Variants in ETV6 observed in about 807,000 individuals in gnomAD.
ETV6 encodes transcription factor ETV6.
A neutral mutation model predicts 51.1 loss-of-function variants in ETV6; 16 were observed. That is an observed-to-expected ratio of 0.31 (90% CI 0.21 to 0.48). The LOEUF is 0.48. ETV6 is among the 20% of genes least tolerant of loss of function. The probability of loss-of-function intolerance (pLI) is 0.99; values close to 1 mark genes in which losing one functional copy is unlikely to be tolerated. For synonymous variants in ETV6, 240 were observed against 224.1 expected, an observed-to-expected ratio of 1.07 and a Z score of -0.64; for missense variants, 458 against 594.8, an observed-to-expected ratio of 0.77 and a Z score of 2.39.
intron 2 of ETV6, among the ~76,000 whole-genome samples, chr12:11,836,007 T>C (rs1946310237): frequency 6.6e-6 from 1 of 152,222 alleles, no homozygotes; most frequent in African/African-American, 2.4e-5. Context: ...AGCTAATATC[T>C]ATTCATATAA....
chr12:11,729,012 T>C (rs1865544987), intron 1 of ETV6, among the ~76,000 whole-genome samples: 1 of 152,220 alleles, frequency 6.6e-6, no homozygotes, highest in Non-Finnish European at 1.5e-5. Context: ...GCTTTACAGC[T>C]TACAAAACAC....
At chr12:11,793,242 C>A (rs774784825) in intron 2 of ETV6, among the ~76,000 whole-genome samples, 1 of 152,174 alleles carries the variant, frequency 6.6e-6, no homozygotes, top group Non-Finnish European at 1.5e-5. Context: ...TCATTTTATC[C>A]TCCCAAGAGC....
intron 1 of ETV6, among the ~76,000 whole-genome samples, chr12:11,731,348 G>A (rs1865593477): frequency 6.6e-6 from 1 of 152,168 alleles, no homozygotes; most frequent in African/African-American, 2.4e-5. Flanking sequence ...GTGAGTATTT[G>A]TCTTCCCTGA....
chr12:11,841,766 A>T (rs1263959774), intron 3 of ETV6, among the ~76,000 whole-genome samples: 1 of 152,178 alleles, frequency 6.6e-6, no homozygotes, highest in Non-Finnish European at 1.5e-5. Context: ...GGCAAACAAG[A>T]AGGAGATGAG....
chr12:11,859,574 T>C (rs1384657888), intron 4 of ETV6, among the ~76,000 whole-genome samples: 1 of 152,160 alleles, frequency 6.6e-6, no homozygotes, highest in Non-Finnish European at 1.5e-5. Context: ...GTGATATTAT[T>C]ACCTCCACTT....
chr12:11,890,123 G>C (rs1046105145), intron 7 of ETV6, among the ~76,000 whole-genome samples: 2 of 107,950 alleles, frequency 1.9e-5, no homozygotes, highest in Non-Finnish European at 3.9e-5. Context: ...CATTGTAAAA[G>C]ATTTTTTTTT....
rs1947314498 is a variant in ETV6, at chr12:11,892,739, T to G, written c.*1693T>G. 3 of 232,982 alleles carry G rather than the reference T, an allele frequency of 1.3e-5. No individual in the cohort carries two copies. Among genetic ancestry groups the G allele is most frequent in the Non-Finnish European group, 2.5e-5 (3 of 117,958 alleles). 14.4% of individuals were successfully genotyped at this position (232,982 alleles called of 1,614,324 possible). ...AGGTGAAGTTACCAGACCCCTGGGCTTCTCCCCAGCTTTTTCTGAGTTGAG... is the reference window on the plus strand; with the variant it reads ...AGGTGAAGTTACCAGACCCCTGGGCGTCTCCCCAGCTTTTTCTGAGTTGAG... On this transcript the variant is annotated 3_prime_UTR_variant, in exon 8 of 8. Transcript: ENST00000396373.
chr12:11,869,501 C>A lies in ETV6; in HGVS notation c.541C>A (p.Arg181Ser). The change falls in exon 5 of 8, where the codon CGC (arginine) becomes AGC (serine). Residue 181 changes from arginine (R) to serine (S), a missense_variant. By Grantham distance (110) the Arg-to-Ser change is moderately radical. Coordinates refer to ENST00000396373, the MANE Select transcript of ETV6 (RefSeq NM_001987.5). This position sits in a 1 kb window ranked among gnomAD's most constrained non-coding sequence, Gnocchi z 5.0. ...CCCTCCCACCATTGAACTGTTGCAC[C>A]GCTCCAGGTCACCTATCACGACAAA... ...HNPPTIELLHRSRSPITTNHR... is the reference protein window; with the variant it reads ...HNPPTIELLHSSRSPITTNHR... The A allele has an allele frequency of 6.2e-7, 1 of 1,614,116 alleles. No individual in the cohort carries two copies. The highest frequency in any genetic ancestry group is 8.5e-7 in the Non-Finnish European group (1 of 1,180,006).
chr12:11,861,686 C>T (rs1167181277), intron 4 of ETV6, among the ~76,000 whole-genome samples: 1 of 152,142 alleles, frequency 6.6e-6, no homozygotes. Flanking sequence ...TAGGGAAATG[C>T]CATCTGATCT....
chr12:11,850,021 A>G (rs139671247), intron 3 of ETV6, among the ~76,000 whole-genome samples: 1 of 152,102 alleles, frequency 6.6e-6, no homozygotes, highest in East Asian at 1.9e-4. Flanking sequence ...CTAAGGCCAC[A>G]CTCCTGGGTC....
intron 1 of ETV6, among the ~76,000 whole-genome samples, chr12:11,688,765 G>A (rs1591609942): frequency 6.6e-6 from 1 of 152,204 alleles, no homozygotes; most frequent in South Asian, 2.1e-4. Flanking sequence ...GCTGCTCCTT[G>A]AGGTCTGGCT....
intron 4 of ETV6, among the ~76,000 whole-genome samples, chr12:11,857,702 G>C (rs1317225419): frequency 6.6e-6 from 1 of 152,150 alleles, no homozygotes; most frequent in African/African-American, 2.4e-5. Context: ...GTGTGTGTGA[G>C]TATGTATGTA....
At chr12:11,703,894 G>A (rs1253345669) in intron 1 of ETV6, among the ~76,000 whole-genome samples, 1 of 152,128 alleles carries the variant, frequency 6.6e-6, no homozygotes, top group Non-Finnish European at 1.5e-5. Context: ...ATCAGTAATT[G>A]ACCACCCTTG....
intron 1 of ETV6, among the ~76,000 whole-genome samples, chr12:11,710,390 T>C (rs1230766984): frequency 6.6e-6 from 1 of 152,220 alleles, no homozygotes; most frequent in Non-Finnish European, 1.5e-5. Flanking sequence ...GTATTTATTA[T>C]GTGTCACCAT....
At chr12:11,821,835 G>T (rs901643649) in intron 2 of ETV6, among the ~76,000 whole-genome samples, 1 of 152,154 alleles carries the variant, frequency 6.6e-6, no homozygotes, top group African/African-American at 2.4e-5. Flanking sequence ...GCAACAGAGG[G>T]AGATTCTGTC....
intron 1 of ETV6, among the ~76,000 whole-genome samples, chr12:11,709,244 A>G (rs116906770): frequency 0.023 from 3,460 of 151,956 alleles, 63 homozygotes; most frequent in East Asian, 0.083. Context: ...TCCTCATTCT[A>G]CCCCTGCCCT....
At chr12:11,879,144 A>C (rs913795473) in intron 5 of ETV6, among the ~76,000 whole-genome samples, 1 of 152,158 alleles carries the variant, frequency 6.6e-6, no homozygotes, top group African/African-American at 2.4e-5. Context: ...ACTGGAAATA[A>C]ACGTTAATTT....
intron 1 of ETV6, among the ~76,000 whole-genome samples, chr12:11,727,062 C>T (rs1253600876): frequency 6.6e-6 from 1 of 152,218 alleles, no homozygotes; most frequent in Admixed American, 6.5e-5. Context: ...AGGGCACGCA[C>T]AGTGGCTTTT....
In ETV6 at chr12:11,893,475, A is replaced by C; in HGVS notation, c.*2429A>C. On this transcript the variant is annotated 3_prime_UTR_variant, in exon 8 of 8. Coordinates refer to ENST00000396373, the MANE Select transcript of ETV6 (RefSeq NM_001987.5). ...TAGGATGATACCTTCAGCCACTTGAAGAAGAAATAGAAGGCGCTCATTCCA... is the reference window on the plus strand; with the variant it reads ...TAGGATGATACCTTCAGCCACTTGACGAAGAAATAGAAGGCGCTCATTCCA... The C allele has an allele frequency of 4.3e-6, 1 of 231,718 alleles. No individual in the cohort carries two copies. Among genetic ancestry groups the C allele is most frequent in the Non-Finnish European group, 8.5e-6 (1 of 117,188 alleles). The allele number at this position is 231,718 out of a possible 1,614,324, so 14.4% of individuals were successfully genotyped here.
Sources: gnomAD v4.1 joint callset for allele counts (sites outside exome capture counted in the v4.1 genomes callset) on GRCh38, gnomAD v4.1.1 for gene constraint, Gnocchi (gnomAD v3.1) non-coding constraint, MANE v1.5 for transcripts, NCBI Gene and HGNC (gene_info 2026-07-23, HGNC 2026-07-21) for gene names.